ATE1: variants seen among roughly 807,000 people sequenced by gnomAD.
ATE1 encodes arginyltransferase 1, also known as arginyl-tRNA--protein transferase 1.
In ATE1, 36 loss-of-function variants were observed where a neutral mutation model predicts 70.5. The observed-to-expected ratio is 0.51, with a 90% confidence interval of 0.39 to 0.67. ATE1 has a LOEUF of 0.67. Among genes scored for constraint, ATE1 ranks in the 30% least tolerant of loss-of-function variants. ATE1 has a pLI of 0.00. For missense variants in ATE1, 593 were observed against 629.5 expected, an observed-to-expected ratio of 0.94 and a Z score of 0.62; for synonymous variants, 232 against 219.3, an observed-to-expected ratio of 1.06 and a Z score of -0.51.
chr10:121,915,970 C>T (rs148673611), intron 3 of ATE1, among the ~76,000 whole-genome samples: 6 of 151,776 alleles, frequency 4.0e-5, no homozygotes, highest in African/African-American at 1.2e-4. Context: ...GGCACAGTGG[C>T]TCATGCCTGT....
At chr10:121,778,531 C>G (rs1405235224) in intron 11 of ATE1, among the ~76,000 whole-genome samples, 2 of 143,598 alleles carry the variant, frequency 1.4e-5, no homozygotes, top group African/African-American at 5.1e-5. Context: ...ACCTAAATGG[C>G]GCCAAGAAAC....
chr10:121,794,610 C>CAAAAAAAAAAAAAAAAAAAAAA (rs71022866), intron 10 of ATE1, among the ~76,000 whole-genome samples: 1 of 77,542 alleles, frequency 1.3e-5, no homozygotes, highest in Non-Finnish European at 2.3e-5. Context: ...ACCCTGTCTC[C>CAAAAAAAAAAAAAAAAAAAAAA]AAAAAAAAAA....
At chr10:121,812,458 C>T (rs1219265502) in intron 10 of ATE1, among the ~76,000 whole-genome samples, 1 of 152,100 alleles carries the variant, frequency 6.6e-6, no homozygotes, top group Non-Finnish European at 1.5e-5. Context: ...TGTCCTTATT[C>T]TCCCAAGACC....
intron 11 of ATE1, among the ~76,000 whole-genome samples, chr10:121,754,326 G>C (rs115121019): frequency 0.01 from 1,599 of 152,292 alleles, 29 homozygotes; most frequent in African/African-American, 0.036. Context: ...AACTGAGTCA[G>C]AGAAAGTATA....
chr10:121,915,696 T>C (rs907749927), intron 3 of ATE1, among the ~76,000 whole-genome samples: 3 of 151,686 alleles, frequency 2.0e-5, no homozygotes, highest in African/African-American at 7.3e-5. Context: ...GAGACTATCC[T>C]GGCTAACATG....
intron 7 of ATE1, among the ~76,000 whole-genome samples, chr10:121,882,831 C>T (rs1950268268): frequency 1.3e-5 from 2 of 152,148 alleles, no homozygotes; most frequent in African/African-American, 2.4e-5. Flanking sequence ...GCTAACATCC[C>T]ATTTCATGGT....
chr10:121,869,914 C>A, intron 8 of ATE1, 92 bp downstream of exon 8: 1 of 1,262,558 alleles, frequency 7.9e-7, no homozygotes. Context: ...AAAATGAGCA[C>A]TCCTAAATTA....
intron 7 of ATE1, among the ~76,000 whole-genome samples, chr10:121,888,352 C>CGACT (rs1950473229): frequency 6.6e-6 from 1 of 152,020 alleles, no homozygotes; most frequent in Non-Finnish European, 1.5e-5. Flanking sequence ...CGAAATCACG[C>CGACT]GACTGCACTC....
At chr10:121,829,428 GAAAAC>G (rs1948148889) in intron 10 of ATE1, among the ~76,000 whole-genome samples, 3 of 128,170 alleles carry the variant, frequency 2.3e-5, no homozygotes, top group African/African-American at 8.5e-5. Flanking sequence ...GTCACAAAAA[GAAAAC>G]AAAAAAAAAG....
At chr10:121,802,303 T>A (rs937911858) in intron 10 of ATE1, among the ~76,000 whole-genome samples, 5 of 120,340 alleles carry the variant, frequency 4.2e-5, no homozygotes, top group Non-Finnish European at 8.6e-5. Flanking sequence ...TTGGTCTCAA[T>A]GTCTACTCCA....
rs1952160483 is a variant in ATE1, at chr10:121,927,777, TGGGG to T, written c.106+63_106+66del. On this transcript the variant is annotated intron_variant, in intron 1 of 11. Transcript: ENST00000224652. ...GGCTCCGGCCCCCTCGCGTCCTCGC[TGGGG>T]GACCCTGGGATCCCGAGACCCGGGC... is the stretch of plus-strand genomic sequence containing the variant. 4 of 1,497,896 alleles carry T rather than the reference TGGGG, an allele frequency of 2.7e-6. No homozygotes were observed. The South Asian group carries it at 5.0e-5, about 19-fold the overall frequency. The allele number at this position is 1,497,896 out of a possible 1,614,324, so 92.8% of individuals were successfully genotyped here. A position where few individuals can be genotyped will look rare whatever the true frequency, so the allele number is the denominator to read the frequency against.
At chr10:121,745,492 A>G (rs909069714) in intron 11 of ATE1, among the ~76,000 whole-genome samples, 25 of 151,984 alleles carry the variant, frequency 1.6e-4, no homozygotes, top group Admixed American at 6.6e-4. Flanking sequence ...CAAGGTGGGC[A>G]AATCACGAGG....
chr10:121,747,400 C>T (rs1312758502), intron 11 of ATE1, among the ~76,000 whole-genome samples: 1 of 152,180 alleles, frequency 6.6e-6, no homozygotes, highest in Non-Finnish European at 1.5e-5. Flanking sequence ...CAGCCAGTAA[C>T]AAGAGACTGG....
At chr10:121,858,851 T>C (rs1290950820) in intron 8 of ATE1, among the ~76,000 whole-genome samples, 1 of 151,874 alleles carries the variant, frequency 6.6e-6, no homozygotes, top group Non-Finnish European at 1.5e-5. Context: ...ATCCCAGCAC[T>C]TTGGGATGCC....
intron 11 of ATE1, among the ~76,000 whole-genome samples, chr10:121,784,937 A>G (rs1946145609): frequency 6.6e-6 from 1 of 152,176 alleles, no homozygotes; most frequent in Non-Finnish European, 1.5e-5. Flanking sequence ...AAATTAGAAG[A>G]CTGTCCATAT....
At chr10:121,807,372 C>G (rs1382443261) in intron 10 of ATE1, among the ~76,000 whole-genome samples, 1 of 152,130 alleles carries the variant, frequency 6.6e-6, no homozygotes, top group East Asian at 1.9e-4. Flanking sequence ...GTTTGTAAAT[C>G]ACATGGAAGA....
At position 121,899,892 on chromosome 10, in the gene ATE1, G is replaced by C. The variant is rs1950913405; in HGVS notation, c.916C>G (p.Pro306Ala). ...KRYQMVIHKN[P>A]PDTPTESQFT... ...TGGCTTTCGGTTGGCGTATCAGGTG[G>C]GTTCTTGTGAATAACCATCTGGTAA... is the stretch of plus-strand genomic sequence containing the variant. The change falls in exon 7 of 12, where the codon CCA becomes GCA. Residue 306 changes from proline to alanine, a missense_variant. Pro to Ala is a conservative substitution (Grantham distance 27, BLOSUM62 -1). Around this residue, in one of 3 missense-constraint regions of ATE1, gnomAD observed 467 missense variants for 469.6 expected, o/e 0.99. Transcript: ENST00000224652. The C allele has an allele frequency of 6.2e-7, 1 of 1,612,486 alleles. No individual in the cohort carries two copies. Among genetic ancestry groups the C allele is most frequent in the African/African-American group, 1.3e-5 (1 of 74,896 alleles).
chr10:121,911,859 G>A (rs1444562238), intron 4 of ATE1, among the ~76,000 whole-genome samples: 1 of 152,012 alleles, frequency 6.6e-6, no homozygotes, highest in African/African-American at 2.4e-5. Context: ...CCATTCTCCT[G>A]CCTCAGCCTC....
intron 5 of ATE1, among the ~76,000 whole-genome samples, 183 bp from the exon 6 acceptor site, chr10:121,902,803 G>T (rs557136024): frequency 1.3e-5 from 2 of 152,244 alleles, no homozygotes; most frequent in South Asian, 2.1e-4. Flanking sequence ...CCTTAGAAGT[G>T]GGAGTTGCTA....
Sources: allele counts gnomAD v4.1 joint callset (sites outside exome capture counted in the v4.1 genomes callset), GRCh38; gene constraint gnomAD v4.1.1; regional missense constraint gnomAD v4.1.1; transcripts MANE v1.5; gene names NCBI Gene and HGNC (gene_info 2026-07-23, HGNC 2026-07-21).